FMNL2: variants seen among roughly 807,000 people sequenced by gnomAD.
The protein encoded by FMNL2 is formin like 2, also known as formin-like protein 2.
In FMNL2, 51 loss-of-function variants were observed where a neutral mutation model predicts 130.2. The observed-to-expected ratio is 0.39, with a 90% confidence interval of 0.31 to 0.49. FMNL2 has a LOEUF of 0.49. Among genes scored for constraint, FMNL2 ranks in the 20% least tolerant of loss-of-function variants. The pLI is 0.85. For synonymous variants in FMNL2, 465 were observed against 467.1 expected, an observed-to-expected ratio of 1.00 and a Z score of 0.06; for missense variants, 977 against 1,316.2, an observed-to-expected ratio of 0.74 and a Z score of 3.99.
At chr2:152,469,811 C>G (rs944324658) in intron 1 of FMNL2, among the ~76,000 whole-genome samples, 1 of 152,046 alleles carries the variant, frequency 6.6e-6, no homozygotes, top group Non-Finnish European at 1.5e-5. Flanking sequence ...AAAATGGGAG[C>G]AGTATGTGCA....
chr2:152,479,026 T>C (rs931059792), intron 1 of FMNL2, among the ~76,000 whole-genome samples: 5 of 152,210 alleles, frequency 3.3e-5, no homozygotes, highest in Non-Finnish European at 7.3e-5. Flanking sequence ...ATTGAAAGTA[T>C]GTTAATATTT....
At chr2:152,421,855 G>A (rs1485467994) in intron 1 of FMNL2, among the ~76,000 whole-genome samples, 1 of 152,164 alleles carries the variant, frequency 6.6e-6, no homozygotes, top group African/African-American at 2.4e-5. Context: ...ATTTTATTAT[G>A]TTTATATTTA....
chr2:152,529,199 AG>A (rs751643507), intron 2 of FMNL2, among the ~76,000 whole-genome samples: 1 of 152,184 alleles, frequency 6.6e-6, no homozygotes, highest in Non-Finnish European at 1.5e-5. Flanking sequence ...TTAGTTTTAT[AG>A]GTGAGGGAAA....
intron 1 of FMNL2, among the ~76,000 whole-genome samples, chr2:152,420,642 T>C (rs540000584): frequency 1.3e-5 from 2 of 152,278 alleles, no homozygotes; most frequent in South Asian, 4.1e-4. Context: ...ATTCCAAAAA[T>C]TGCCAGATAG....
intron 7 of FMNL2, among the ~76,000 whole-genome samples, chr2:152,578,300 A>G (rs1286978586): frequency 6.6e-6 from 1 of 152,170 alleles, no homozygotes; most frequent in African/African-American, 2.4e-5. Flanking sequence ...AAAAATCTGT[A>G]TATAACTGGA....
intron 8 of FMNL2, among the ~76,000 whole-genome samples, chr2:152,580,526 T>C (rs1438288755): frequency 2.0e-5 from 3 of 152,176 alleles, no homozygotes; most frequent in Non-Finnish European, 4.4e-5. Context: ...TTCAGTTGAT[T>C]TTGAACTTTT....
chr2:152,614,025 G>T (rs2105875885), intron 11 of FMNL2, among the ~76,000 whole-genome samples: 1 of 152,250 alleles, frequency 6.6e-6, no homozygotes, highest in Middle Eastern at 3.4e-3. Flanking sequence ...TGGAGGTTGG[G>T]CTCTAGCAAT....
intron 20 of FMNL2, 106 bp from the exon 21 acceptor site, chr2:152,631,902 G>A (rs971767696): frequency 1.4e-5 from 18 of 1,265,302 alleles, no homozygotes; most frequent in Non-Finnish European, 1.8e-5. Context: ...CCTGTTGGGC[G>A]ACTGTTACTC....
chr2:152,449,334 T>C (rs1688514818), intron 1 of FMNL2, among the ~76,000 whole-genome samples: 3 of 152,194 alleles, frequency 2.0e-5, no homozygotes, highest in Admixed American at 2.0e-4. Flanking sequence ...TTTTCTCTGC[T>C]CATAGGCCTT....
At position 152,398,627 on chromosome 2, in the gene FMNL2, C is replaced by T. The variant is rs115515975; in HGVS notation, c.117+62907C>T. Among the ~76,000 whole-genome samples, 542 of 152,280 alleles carry T rather than the reference C, an allele frequency of 3.6e-3. 4 individuals are homozygous for T. Among genetic ancestry groups the T allele is most frequent in the African/African-American group, 0.013 (530 of 41,544 alleles). ...ATGAATGATAGGTAGCATTTGCATG[C>T]ACAGGCACTGTTTTAAGCCATGTGT... On this transcript the variant is annotated intron_variant, in intron 1 of 25. Transcript: ENST00000288670.
chr2:152,485,133 C>T (rs945793072), intron 1 of FMNL2, among the ~76,000 whole-genome samples: 1 of 152,106 alleles, frequency 6.6e-6, no homozygotes, highest in Admixed American at 6.6e-5. Flanking sequence ...ATTGCATGAG[C>T]TTAGAAGTTT....
chr2:152,383,099 A>G (rs1462924489), intron 1 of FMNL2, among the ~76,000 whole-genome samples: 1 of 152,190 alleles, frequency 6.6e-6, no homozygotes, highest in African/African-American at 2.4e-5. Flanking sequence ...TTAAAAAAAT[A>G]GGAGTGTGGT....
At chr2:152,594,075 G>A (rs1697625439) in intron 9 of FMNL2, among the ~76,000 whole-genome samples, 1 of 152,182 alleles carries the variant, frequency 6.6e-6, no homozygotes, top group African/African-American at 2.4e-5. Context: ...GTACAAAGGG[G>A]AAGGTGGTCA....
At chr2:152,389,443 A>G (rs771030885) in intron 1 of FMNL2, among the ~76,000 whole-genome samples, 4 of 152,198 alleles carry the variant, frequency 2.6e-5, no homozygotes, top group African/African-American at 7.2e-5. Context: ...TCCTAAAACC[A>G]TTACATTTAG....
chr2:152,440,897 G>A (rs1421545075), intron 1 of FMNL2, among the ~76,000 whole-genome samples: 1 of 152,300 alleles, frequency 6.6e-6, no homozygotes, highest in East Asian at 1.9e-4. Context: ...AATCTTGCCA[G>A]CCTATCAGAT....
intron 1 of FMNL2, among the ~76,000 whole-genome samples, chr2:152,503,916 A>G (rs777864733): frequency 5.3e-5 from 8 of 152,224 alleles, no homozygotes; most frequent in Non-Finnish European, 1.0e-4. Flanking sequence ...CAAGCTGGGC[A>G]TTGTAGCACA....
intron 1 of FMNL2, among the ~76,000 whole-genome samples, chr2:152,376,835 T>A (rs1684202241): frequency 6.6e-6 from 1 of 152,214 alleles, no homozygotes; most frequent in Non-Finnish European, 1.5e-5. Flanking sequence ...TATCTTGTGT[T>A]TGGTTAGGAC....
At chr2:152,584,081 A>G (rs1190197126) in intron 9 of FMNL2, among the ~76,000 whole-genome samples, 1 of 152,076 alleles carries the variant, frequency 6.6e-6, no homozygotes, top group Non-Finnish European at 1.5e-5. Flanking sequence ...CACAGCTCAA[A>G]GTCTCTTAAA....
At chr2:152,490,929 C>T (rs922841886) in intron 1 of FMNL2, among the ~76,000 whole-genome samples, 2 of 151,942 alleles carry the variant, frequency 1.3e-5, no homozygotes, top group East Asian at 1.9e-4. Context: ...CAATGAGTTA[C>T]GTTATTTGTA....
Sources: gnomAD v4.1 joint callset for allele counts (sites outside exome capture counted in the v4.1 genomes callset) on GRCh38, gnomAD v4.1.1 for gene constraint, MANE v1.5 for transcripts, NCBI Gene and HGNC (gene_info 2026-07-23, HGNC 2026-07-21) for gene names.